ELMO1: variants seen among roughly 807,000 people sequenced by gnomAD.
ELMO1 encodes the protein engulfment and cell motility protein 1.
ELMO1 carries 26 observed loss-of-function variants against 98.9 expected under a neutral mutation model. The ratio of observed to expected loss-of-function variants is 0.26; its 90% CI spans 0.19 to 0.36. ELMO1 has a LOEUF of 0.36. Ranked by LOEUF, ELMO1 falls within the 10% of genes least tolerant of loss-of-function variation. The pLI, the probability that ELMO1 is intolerant of heterozygous loss-of-function variation, is 1.00. For missense variants in ELMO1, 627 were observed against 935.2 expected (o/e 0.67, Z 4.30); for synonymous variants, 346 against 346.0 (o/e 1.00, Z 0.00).
At chr7:37,388,474 G>C (rs1802912788) in intron 1 of ELMO1, among the ~76,000 whole-genome samples, 2 of 150,828 alleles carry the variant, frequency 1.3e-5, no homozygotes, top group Non-Finnish European at 2.9e-5. Context: ...TGACATTTCA[G>C]CTTTCTGGGA....
At chr7:36,861,142 CA>C (rs1649121185) in intron 21 of ELMO1, among the ~76,000 whole-genome samples, 2 of 152,180 alleles carry the variant, frequency 1.3e-5, no homozygotes, top group Non-Finnish European at 2.9e-5. Flanking sequence ...ATATAGCTGA[CA>C]GCGTGCTACA....
chr7:37,213,506 A>C (rs1371178230), intron 11 of ELMO1, 49 bp from the exon 12 acceptor site: 1 of 1,541,320 alleles, frequency 6.5e-7, no homozygotes, highest in Non-Finnish European at 8.8e-7. Flanking sequence ...AAAGAAAAGG[A>C]AACAACTAGA....
intron 13 of ELMO1, among the ~76,000 whole-genome samples, chr7:37,156,577 T>C (rs2129324609): frequency 6.6e-6 from 1 of 152,140 alleles, no homozygotes; most frequent in South Asian, 2.1e-4. Context: ...CTAGAAGAAA[T>C]GGATAAATTC....
chr7:37,000,966 T>A (rs542188794), intron 16 of ELMO1, among the ~76,000 whole-genome samples: 70 of 133,596 alleles, frequency 5.2e-4, no homozygotes, highest in Non-Finnish European at 9.2e-4. Flanking sequence ...CACACACACG[T>A]TTTTTAACAA....
chr7:36,870,493 A>G lies in ELMO1; in HGVS notation c.1823-18T>C. 1 of 1,612,384 alleles carries G rather than the reference A, an allele frequency of 6.2e-7. No homozygotes were observed. The highest frequency in any genetic ancestry group is 8.5e-7 in the Non-Finnish European group (1 of 1,179,360). ...CACCGGCACTGCAATTCATAAAAGA[A>G]AATGCAAGTAACTACACCATGTGAA... is the stretch of plus-strand genomic sequence containing the variant. On this transcript the variant is annotated intron_variant, in intron 19 of 21. Coordinates refer to ENST00000310758, the MANE Select transcript of ELMO1 (RefSeq NM_014800.11). The surrounding 1 kb of genome is among the most constrained non-coding windows in gnomAD (Gnocchi z 4.4).
chr7:37,417,304 T>G (rs929265366), intron 1 of ELMO1, among the ~76,000 whole-genome samples: 1 of 152,116 alleles, frequency 6.6e-6, no homozygotes, highest in African/African-American at 2.4e-5. Context: ...ACGAGGTCAT[T>G]TGGGCAGGTG....
chr7:37,377,178 T>C (rs1324828284), intron 1 of ELMO1, among the ~76,000 whole-genome samples: 1 of 152,190 alleles, frequency 6.6e-6, no homozygotes, highest in African/African-American at 2.4e-5. Context: ...TAGAAAAATA[T>C]CAAAATTCAA....
At chr7:36,918,868 C>T (rs1784914082) in intron 16 of ELMO1, among the ~76,000 whole-genome samples, 1 of 152,024 alleles carries the variant, frequency 6.6e-6, no homozygotes, top group African/African-American at 2.4e-5. Context: ...TTGCTACCTC[C>T]CACAAAACAA....
chr7:37,143,813 C>G (rs566213575), intron 13 of ELMO1, among the ~76,000 whole-genome samples: 282 of 149,134 alleles, frequency 1.9e-3, no homozygotes, highest in African/African-American at 6.3e-3. Context: ...TGGGTTCTAG[C>G]AATTCTCCTG....
intron 2 of ELMO1, among the ~76,000 whole-genome samples, chr7:37,335,671 A>C (rs889237592): frequency 4.6e-5 from 7 of 152,218 alleles, no homozygotes; most frequent in Admixed American, 1.3e-4. Context: ...GGGTGCCCGG[A>C]AGCCCTCGGC....
intron 15 of ELMO1, among the ~76,000 whole-genome samples, chr7:37,055,447 G>T (rs904311497): frequency 6.6e-6 from 1 of 152,130 alleles, no homozygotes; most frequent in African/African-American, 2.4e-5. Flanking sequence ...AGACTTTCAA[G>T]TATGTGTGTA....
chr7:37,274,952 GT>G (rs1314220290), intron 4 of ELMO1, among the ~76,000 whole-genome samples: 1 of 152,224 alleles, frequency 6.6e-6, no homozygotes, highest in African/African-American at 2.4e-5. Flanking sequence ...TGGGCTCGGA[GT>G]TTTTGTTTCT....
intron 15 of ELMO1, among the ~76,000 whole-genome samples, chr7:37,022,948 T>C (rs1794358341): frequency 6.6e-6 from 1 of 152,184 alleles, no homozygotes; most frequent in Non-Finnish European, 1.5e-5. Context: ...CAAATAACTT[T>C]CACAATAGCA....
chr7:37,385,606 G>T (rs1297009318), intron 1 of ELMO1, among the ~76,000 whole-genome samples: 2 of 152,300 alleles, frequency 1.3e-5, no homozygotes, highest in East Asian at 3.9e-4. Context: ...TTGTTTACTT[G>T]TTTATTTTCT....
At chr7:37,316,965 C>T (rs143920044) in intron 2 of ELMO1, among the ~76,000 whole-genome samples, 240 of 152,148 alleles carry the variant, frequency 1.6e-3, no homozygotes, top group South Asian at 5.0e-3. Flanking sequence ...CGTAAGTAAC[C>T]GCAATTTTCT....
intron 16 of ELMO1, among the ~76,000 whole-genome samples, chr7:36,954,732 T>A (rs545935158): frequency 6.2e-4 from 94 of 152,296 alleles, no homozygotes; most frequent in Middle Eastern, 3.4e-3. Context: ...TGGATGCACA[T>A]AACTTTTAAG....
intron 13 of ELMO1, among the ~76,000 whole-genome samples, chr7:37,155,667 C>G (rs1309751176): frequency 6.6e-6 from 1 of 152,060 alleles, no homozygotes; most frequent in African/African-American, 2.4e-5. Context: ...CATCCAGATT[C>G]ATAAAGCAAG....
chr7:37,303,113 G>A lies in ELMO1; in HGVS notation c.192+11737C>T, dbSNP rs34223083. On this transcript the variant is annotated intron_variant, in intron 4 of 21. Coordinates refer to ENST00000310758, the MANE Select transcript of ELMO1 (RefSeq NM_014800.11). ...CAGTTTATGCTCATAGTAGATGTTC[G>A]TTATTCCATTAAACAAATGTTTATA... is the stretch of plus-strand genomic sequence containing the variant. 8.4e-4 allele frequency among the ~76,000 whole-genome samples: 128 copies of A among 152,150 alleles called. 1 individual carries two copies. Among genetic ancestry groups the A allele is most frequent in the South Asian group, 1.5e-3 (7 of 4,820 alleles).
intron 1 of ELMO1, among the ~76,000 whole-genome samples, chr7:37,387,219 A>G (rs1372715456): frequency 3.9e-5 from 6 of 152,344 alleles, no homozygotes; most frequent in East Asian, 1.9e-4. Flanking sequence ...AAGAGTGCCA[A>G]TGGATTAGTT....
Sources: gnomAD v4.1 joint callset for allele counts (sites outside exome capture counted in the v4.1 genomes callset) on GRCh38, gnomAD v4.1.1 for gene constraint, Gnocchi (gnomAD v3.1) non-coding constraint, MANE v1.5 for transcripts, NCBI Gene and HGNC (gene_info 2026-07-23, HGNC 2026-07-21) for gene names.